The following B3GALT1 variants were observed in gnomAD, a reference collection of about 807,000 sequenced individuals.
B3GALT1 encodes UDP-Gal:betaGlcNAc beta 1,3-galactosyltransferase, polypeptide 1.
Under a neutral mutation model 23.2 loss-of-function variants are expected in B3GALT1, and 10 were observed. That is an observed-to-expected ratio of 0.43 (90% CI 0.27 to 0.73). B3GALT1 has a LOEUF of 0.73. Ranked by LOEUF, B3GALT1 falls within the 30% of genes least tolerant of loss-of-function variation. B3GALT1 has a pLI of 0.21. For missense variants in B3GALT1, 299 were observed against 405.4 expected (o/e 0.74, Z 2.25); for synonymous variants, 156 against 141.5 (o/e 1.10, Z -0.73).
Position 167,868,930 on chromosome 2 carries a change from C to T in B3GALT1, c.-110C>T. On this transcript the variant is annotated 5_prime_UTR_variant, in exon 5 of 5. Coordinates refer to ENST00000392690, the MANE Select transcript of B3GALT1 (RefSeq NM_020981.4). ...TGGACAATCTCCACCTCACGCTTCT[C>T]TATCAAACTTGAAGATTTATTAGTA... The T allele has an allele frequency of 7.5e-7, 1 of 1,325,154 alleles. No homozygotes were observed. Among genetic ancestry groups the T allele is most frequent in the Non-Finnish European group, 1.0e-6 (1 of 969,336 alleles). The allele number at this position is 1,325,154 out of a possible 1,614,324, so 82.1% of individuals were successfully genotyped here.
At chr2:167,371,189 A>ATTT (rs544507824) in intron 1 of B3GALT1, among the ~76,000 whole-genome samples, 1 of 147,316 alleles carries the variant, frequency 6.8e-6, no homozygotes, top group African/African-American at 2.5e-5. Flanking sequence ...AGGGCAGGTG[A>ATTT]TTTTTTTTTT....
chr2:167,851,920 G>T (rs1336559252), intron 4 of B3GALT1, among the ~76,000 whole-genome samples: 1 of 152,106 alleles, frequency 6.6e-6, no homozygotes, highest in Non-Finnish European at 1.5e-5. Flanking sequence ...TTGCTGGAGG[G>T]TTATTCTTCA....
At chr2:167,748,543 G>C (rs1434682806) in intron 3 of B3GALT1, among the ~76,000 whole-genome samples, 1 of 152,154 alleles carries the variant, frequency 6.6e-6, no homozygotes, top group East Asian at 1.9e-4. Flanking sequence ...AGTCCTGTAG[G>C]GACTTTTGAG....
chr2:167,490,358 AATGTTAAGT>A (rs1195096677), intron 2 of B3GALT1, 81 bp downstream of exon 2: 1 of 152,230 alleles, frequency 6.6e-6, no homozygotes, highest in East Asian at 1.9e-4. Flanking sequence ...TATTATTCAA[AATGTTAAGT>A]ATGCTCTGAA....
chr2:167,335,702 A>G (rs1697049233), intron 1 of B3GALT1, among the ~76,000 whole-genome samples: 1 of 152,220 alleles, frequency 6.6e-6, no homozygotes, highest in Admixed American at 6.5e-5. Flanking sequence ...TAATTAGTGT[A>G]TAATGAGCAG....
At chr2:167,450,064 A>T (rs577988736) in intron 1 of B3GALT1, among the ~76,000 whole-genome samples, 12 of 152,106 alleles carry the variant, frequency 7.9e-5, no homozygotes, top group African/African-American at 2.9e-4. Flanking sequence ...TTTTTTAGTT[A>T]TGTCCTTGCC....
chr2:167,526,145 G>T lies in B3GALT1; in HGVS notation c.-410+35868G>T, dbSNP rs192655810. Among the ~76,000 whole-genome samples the T allele has an allele frequency of 8.5e-4, 129 of 152,128 alleles. 1 individual carries two copies. Among genetic ancestry groups the T allele is most frequent in the African/African-American group, 3.1e-3 (127 of 41,516 alleles). On this transcript the variant is annotated intron_variant, in intron 2 of 4. Transcript: ENST00000392690. ...ACTGTTTATGTTTGTTGCTACTGGA[G>T]ATTCATTGCTTCAAAGCCATGTTAG... is the stretch of plus-strand genomic sequence containing the variant.
At chr2:167,629,409 A>G (rs1412319699) in intron 2 of B3GALT1, among the ~76,000 whole-genome samples, 1 of 151,756 alleles carries the variant, frequency 6.6e-6, no homozygotes, top group Non-Finnish European at 1.5e-5. Context: ...TATTCATCAC[A>G]TAGATGAGAG....
At chr2:167,830,100 GCAT>G (rs1373099669) in intron 4 of B3GALT1, among the ~76,000 whole-genome samples, 1 of 152,190 alleles carries the variant, frequency 6.6e-6, no homozygotes, top group Non-Finnish European at 1.5e-5. Context: ...GTTGACCACT[GCAT>G]CATTTCTCTC....
In B3GALT1 at chr2:167,427,483, A is replaced by C. The variant is rs114406493; in HGVS notation, c.-510-62694A>C. Reference sequence around the variant, plus strand: ...TAGCTCCTTCAAAGTTTATAAATGTATAAGAGAGTTCAGGCCTAAAATTTT... The same window carrying C: ...TAGCTCCTTCAAAGTTTATAAATGTCTAAGAGAGTTCAGGCCTAAAATTTT... On this transcript the variant is annotated intron_variant, in intron 1 of 4. Coordinates refer to ENST00000392690, the MANE Select transcript of B3GALT1 (RefSeq NM_020981.4). 8.2e-3 allele frequency among the ~76,000 whole-genome samples: 1,242 copies of C among 152,344 alleles called. 13 individuals are homozygous for C. Among genetic ancestry groups the C allele is most frequent in the South Asian group, 0.036 (172 of 4,830 alleles).
chr2:167,698,986 A>G (rs1419769669), intron 3 of B3GALT1, among the ~76,000 whole-genome samples: 1 of 152,242 alleles, frequency 6.6e-6, no homozygotes, highest in African/African-American at 2.4e-5. Flanking sequence ...TTCAGAACAA[A>G]AATGACGAGA....
At chr2:167,466,899 T>TG (rs1699355928) in intron 1 of B3GALT1, among the ~76,000 whole-genome samples, 1 of 146,624 alleles carries the variant, frequency 6.8e-6, no homozygotes. Context: ...TTTTTTTTTT[T>TG]TGTATTTTAG....
At chr2:167,621,654 G>A (rs1240961986) in intron 2 of B3GALT1, among the ~76,000 whole-genome samples, 1 of 152,144 alleles carries the variant, frequency 6.6e-6, no homozygotes, top group African/African-American at 2.4e-5. Flanking sequence ...TAATCCCCAC[G>A]TGTTCATGGG....
In B3GALT1 at chr2:167,869,043, G is replaced by T. The variant is rs752421603; in HGVS notation, c.4G>T (p.Ala2Ser). 2 of 1,598,602 alleles carry T rather than the reference G, an allele frequency of 1.3e-6. No homozygotes were observed. Among genetic ancestry groups the T allele is most frequent in the Non-Finnish European group, 1.7e-6 (2 of 1,172,210 alleles). The change falls in exon 5 of 5, where the codon GCT (alanine) becomes TCT (serine). Residue 2 changes from alanine to serine, a missense_variant. Ala to Ser is a moderately conservative substitution (Grantham distance 99). This residue lies in a region of B3GALT1 where 162 missense variants were observed against 184.1 expected (regional missense o/e 0.88). Coordinates refer to ENST00000392690, the MANE Select transcript of B3GALT1 (RefSeq NM_020981.4). This position sits in a 1 kb window ranked among gnomAD's most constrained non-coding sequence, Gnocchi z 6.4. The part of the protein sequence containing the change: M[A>S]SKVSCLYVLT... ...GAATAGACGTGTTCTCAAGACAATG[G>T]CTTCAAAGGTCTCCTGTTTGTATGT...
intron 1 of B3GALT1, among the ~76,000 whole-genome samples, chr2:167,435,914 A>T (rs1698775795): frequency 6.7e-6 from 1 of 149,772 alleles, no homozygotes; most frequent in African/African-American, 2.5e-5. Flanking sequence ...TTCTATCTTG[A>T]TCTCTGCTTT....
intron 2 of B3GALT1, among the ~76,000 whole-genome samples, chr2:167,508,576 G>A (rs1452053439): frequency 2.6e-5 from 4 of 151,638 alleles, no homozygotes; most frequent in Non-Finnish European, 5.9e-5. Context: ...TCTTAATAGT[G>A]TTTTCTCAGT....
chr2:167,486,379 A>G (rs1245452198), intron 1 of B3GALT1, among the ~76,000 whole-genome samples: 2 of 149,990 alleles, frequency 1.3e-5, no homozygotes, highest in East Asian at 4.0e-4. Context: ...AAAGAAAAGA[A>G]AAGAAAAGAT....
At chr2:167,679,864 A>G (rs72875069) in intron 3 of B3GALT1, among the ~76,000 whole-genome samples, 33,358 of 152,178 alleles carry the variant, frequency 0.22, 4,497 homozygotes, top group Middle Eastern at 0.33. Flanking sequence ...TTACGGGCAG[A>G]GGCTGCTTTT....
intron 4 of B3GALT1, among the ~76,000 whole-genome samples, chr2:167,828,721 T>C (rs1247541834): frequency 6.6e-6 from 1 of 152,222 alleles, no homozygotes; most frequent in African/African-American, 2.4e-5. Context: ...TGCCATGAGC[T>C]TTGCATATAT....
Sources: gnomAD v4.1 joint callset for allele counts (sites outside exome capture counted in the v4.1 genomes callset) on GRCh38, gnomAD v4.1.1 for gene constraint, gnomAD v4.1.1 regional missense constraint, Gnocchi (gnomAD v3.1) non-coding constraint, MANE v1.5 for transcripts, NCBI Gene and HGNC (gene_info 2026-07-23, HGNC 2026-07-21) for gene names.